Variants in RPH3A observed in about 807,000 individuals in gnomAD.
The protein encoded by RPH3A is rabphilin-3A.
A neutral mutation model predicts 102.2 loss-of-function variants in RPH3A; 48 were observed. The ratio of observed to expected loss-of-function variants is 0.47; its 90% CI spans 0.37 to 0.60. RPH3A has a LOEUF of 0.60. Ranked by LOEUF, RPH3A falls within the 20% of genes least tolerant of loss-of-function variation. The pLI, the probability that RPH3A is intolerant of heterozygous loss-of-function variation, is 0.00. For missense variants in RPH3A, 781 were observed against 910.1 expected (o/e 0.86, Z 1.83); for synonymous variants, 310 against 324.3 (o/e 0.96, Z 0.47).
intron 1 of RPH3A, among the ~76,000 whole-genome samples, chr12:112,656,702 A>G (rs1242805523): frequency 6.6e-6 from 1 of 152,076 alleles, no homozygotes; most frequent in African/African-American, 2.4e-5. Flanking sequence ...GTTATTTCCC[A>G]TAGGATAATG....
At chr12:112,799,877 T>C (rs113538199) in intron 2 of RPH3A, among the ~76,000 whole-genome samples, 7,287 of 152,220 alleles carry the variant, frequency 0.048, 590 homozygotes, top group African/African-American at 0.17. Context: ...GGATGGAGCC[T>C]AAGAATTTGC....
intron 17 of RPH3A, among the ~76,000 whole-genome samples, chr12:112,889,456 C>A (rs182186311): frequency 6.6e-6 from 1 of 152,240 alleles, no homozygotes; most frequent in Non-Finnish European, 1.5e-5. Context: ...GCCATTAAAC[C>A]TTAACCCTTG....
rs370400267 is a variant in RPH3A, at chr12:112,593,723, C to G, written c.-140+18404C>G. 2.0e-5 allele frequency among the ~76,000 whole-genome samples: 3 copies of G among 152,308 alleles called. No homozygotes were observed. The East Asian group carries it at 5.8e-4, about 29-fold the overall frequency. On this transcript the variant is annotated intron_variant, in intron 1 of 21. Transcript: ENST00000543106. Reference sequence around the variant, plus strand: ...CTATTGTGCTAATTATTATCCACATCTAAAGATAAAATGAGTTCCAGGGAG... The same window carrying G: ...CTATTGTGCTAATTATTATCCACATGTAAAGATAAAATGAGTTCCAGGGAG...
At chr12:112,677,139 C>A (rs1030180236) in intron 1 of RPH3A, among the ~76,000 whole-genome samples, 1 of 152,300 alleles carries the variant, frequency 6.6e-6, no homozygotes, top group South Asian at 2.1e-4. Flanking sequence ...TTACACCCAG[C>A]AAAGGAACCC....
intron 1 of RPH3A, among the ~76,000 whole-genome samples, chr12:112,643,787 A>C (rs11066369): frequency 0.038 from 5,724 of 152,344 alleles, 377 homozygotes; most frequent in African/African-American, 0.13. Flanking sequence ...AATAGAACTA[A>C]TATTTGATCC....
intron 1 of RPH3A, among the ~76,000 whole-genome samples, chr12:112,589,300 T>C (rs1262384551): frequency 6.6e-6 from 1 of 152,154 alleles, no homozygotes; most frequent in Non-Finnish European, 1.5e-5. Context: ...CTCTCCTCCT[T>C]AGGGCTAATC....
intron 1 of RPH3A, among the ~76,000 whole-genome samples, chr12:112,645,332 G>T (rs1418324984): frequency 1.3e-5 from 2 of 152,134 alleles, no homozygotes; most frequent in African/African-American, 4.8e-5. Context: ...TTAAATGTCT[G>T]CCGGTTTCTT....
intron 2 of RPH3A, among the ~76,000 whole-genome samples, chr12:112,793,633 T>C (rs2041170137): frequency 6.6e-6 from 1 of 152,242 alleles, no homozygotes; most frequent in South Asian, 2.1e-4. Context: ...CTGGGTGACC[T>C]TGAGGAGGAA....
intron 8 of RPH3A, 45 bp downstream of exon 8, chr12:112,868,640 A>AGCCAACT: frequency 6.3e-7 from 1 of 1,587,570 alleles, no homozygotes; most frequent in Non-Finnish European, 8.6e-7. Context: ...GACAGATCTT[A>AGCCAACT]GCCAACTGGT....
At chr12:112,746,101 CT>C (rs369889625) in intron 1 of RPH3A, among the ~76,000 whole-genome samples, 7 of 152,114 alleles carry the variant, frequency 4.6e-5, no homozygotes, top group African/African-American at 1.7e-4. Context: ...TGTTTCACAT[CT>C]TTTTTCTTTC....
chr12:112,784,653 A>G (rs1175179553), intron 1 of RPH3A, among the ~76,000 whole-genome samples: 1 of 152,164 alleles, frequency 6.6e-6, no homozygotes, highest in Non-Finnish European at 1.5e-5. Context: ...AATACACAAG[A>G]CTGAGCTGTG....
intron 1 of RPH3A, among the ~76,000 whole-genome samples, chr12:112,576,957 G>A (rs2039364802): frequency 1.5e-5 from 2 of 136,578 alleles, no homozygotes; most frequent in South Asian, 4.5e-4. Context: ...CCAGGCTGGA[G>A]TGCAGTGGCA....
In RPH3A at chr12:112,703,090, A is replaced by G. The variant is rs147770944; in HGVS notation, c.-139-89053A>G. Among the ~76,000 whole-genome samples the G allele has an allele frequency of 4.6e-4, 70 of 152,208 alleles. 2 individuals are homozygous for G. The East Asian group carries it at 0.012, about 27-fold the overall frequency. ...GAAGCAGGGATGTGCCAGTTCTGAG[A>G]CTGTTTTTCAAGAGGACTTGTGTGT... On this transcript the variant is annotated intron_variant, in intron 1 of 21. Transcript: ENST00000543106.
intron 1 of RPH3A, among the ~76,000 whole-genome samples, chr12:112,593,606 A>G (rs1592897885): frequency 6.6e-6 from 1 of 152,342 alleles, no homozygotes; most frequent in East Asian, 1.9e-4. Flanking sequence ...TAGACTCTAC[A>G]TATACCTACT....
chr12:112,804,533 A>G (rs1475894542), intron 2 of RPH3A, among the ~76,000 whole-genome samples: 1 of 152,202 alleles, frequency 6.6e-6, no homozygotes, highest in Non-Finnish European at 1.5e-5. Flanking sequence ...GAAGCCTGGG[A>G]TGTATGTGTG....
intron 1 of RPH3A, among the ~76,000 whole-genome samples, chr12:112,730,310 T>C (rs1299561558): frequency 6.6e-6 from 1 of 152,236 alleles, no homozygotes; most frequent in Non-Finnish European, 1.5e-5. Flanking sequence ...CCATTAGACT[T>C]GCTGTCCAGC....
chr12:112,782,028 CT>C (rs2041012964), intron 1 of RPH3A, among the ~76,000 whole-genome samples: 1 of 152,246 alleles, frequency 6.6e-6, no homozygotes, highest in African/African-American at 2.4e-5. Flanking sequence ...ATTATGGAAG[CT>C]GAATTATGTG....
intron 1 of RPH3A, among the ~76,000 whole-genome samples, chr12:112,749,648 TG>T (rs1565869333): frequency 2.6e-5 from 4 of 152,362 alleles, no homozygotes; most frequent in Non-Finnish European, 2.9e-5. Context: ...CAAAGCTATA[TG>T]GCAATTAATT....
intron 2 of RPH3A, among the ~76,000 whole-genome samples, chr12:112,826,425 A>G (rs1337967073): frequency 1.3e-5 from 2 of 152,178 alleles, no homozygotes; most frequent in African/African-American, 4.8e-5. Context: ...AGAGTGACAT[A>G]ACTGACTTGC....
Sources: allele counts gnomAD v4.1 joint callset (sites outside exome capture counted in the v4.1 genomes callset), GRCh38; gene constraint gnomAD v4.1.1; transcripts MANE v1.5; gene names NCBI Gene and HGNC (gene_info 2026-07-23, HGNC 2026-07-21).